Variants in GPR157 observed in about 807,000 individuals in gnomAD.
The protein encoded by GPR157 is G protein-coupled receptor 157.
In GPR157, 16 loss-of-function variants were observed where a neutral mutation model predicts 23.5. That is an observed-to-expected ratio of 0.68 (90% confidence interval 0.46 to 1.04). The LOEUF is 1.04. Among genes scored for constraint, GPR157 ranks in the 50% least tolerant of loss-of-function variants. GPR157 has a pLI of 0.00. For missense variants in GPR157, 440 were observed against 460.7 expected (o/e 0.96, Z 0.41); for synonymous variants, 200 against 221.5 (o/e 0.90, Z 0.86).
rs995562339 is a variant in GPR157 at position 9,128,322 on chromosome 1, G to A, written c.383+323C>T. ...GGGCAGCAGAGACAGCCAGGACACA[G>A]TGAAGCAGGTCACAAGGGGCTCAGA... On this transcript the variant is annotated intron_variant, in intron 1 of 3. Transcript: ENST00000377411. This position sits in a 1 kb window ranked among gnomAD's most constrained non-coding sequence, Gnocchi z 6.3. 8.4e-6 allele frequency: 5 copies of A among 598,688 alleles called. No homozygotes were observed. Among genetic ancestry groups the A allele is most frequent in the Admixed American group, 6.4e-5 (3 of 46,590 alleles). 37.1% of individuals were successfully genotyped at this position (598,688 alleles called of 1,614,324 possible).
intron 1 of GPR157, among the ~76,000 whole-genome samples, chr1:9,125,698 G>GGA (rs976884535): frequency 2.6e-5 from 4 of 152,258 alleles, no homozygotes; most frequent in Middle Eastern, 3.4e-3. Context: ...TTTCAGAAGG[G>GGA]GAGGGTAGAC....
At chr1:9,123,252 AT>A (rs1638848649) in intron 1 of GPR157, among the ~76,000 whole-genome samples, 1 of 27,130 alleles carries the variant, frequency 3.7e-5, no homozygotes, top group Non-Finnish European at 6.8e-5. Flanking sequence ...TAATTTAAAT[AT>A]ATATTTAAAT....
chr1:9,124,125 C>T (rs1638915928), intron 1 of GPR157, among the ~76,000 whole-genome samples: 1 of 151,956 alleles, frequency 6.6e-6, no homozygotes, highest in Admixed American at 6.6e-5. Context: ...CCACTGTGCC[C>T]AACCTAAAAA....
intron 1 of GPR157, among the ~76,000 whole-genome samples, chr1:9,116,699 G>C (rs1446167758): frequency 1.3e-5 from 2 of 149,610 alleles, no homozygotes; most frequent in Admixed American, 6.7e-5. Context: ...AGCCAAGATC[G>C]TGCCACTGCA....
intron 1 of GPR157, among the ~76,000 whole-genome samples, chr1:9,116,145 T>TTATATATATATATAATATAATTATATA: frequency 2.7e-5 from 1 of 36,700 alleles, no homozygotes; most frequent in African/African-American, 9.7e-5. Flanking sequence ...TATATATATA[T>TTATATATATATATAATATAATTATATA]TATATTATAT....
intron 1 of GPR157, among the ~76,000 whole-genome samples, chr1:9,124,444 G>C (rs892252353): frequency 2.0e-5 from 3 of 152,204 alleles, no homozygotes; most frequent in African/African-American, 7.2e-5. Flanking sequence ...CAGTCAGGGA[G>C]GTTTCACATC....
intron 1 of GPR157, among the ~76,000 whole-genome samples, chr1:9,123,337 TA>T (rs1187937432): frequency 4.0e-4 from 12 of 30,376 alleles, no homozygotes; most frequent in African/African-American, 1.2e-3. Flanking sequence ...ATATTTAATT[TA>T]AATATATATA....
In GPR157 at chr1:9,122,085, C is replaced by T. The variant is rs555661110; in HGVS notation, c.383+6560G>A. Among the ~76,000 whole-genome samples the T allele has an allele frequency of 5.3e-5, 8 of 152,288 alleles. No homozygotes were observed. The South Asian group carries it at 1.7e-3, about 32-fold the overall frequency. ...CCCTGGTCTGGCATCACGCTGGCGC[C>T]CACCACCGTGAGGGGAGGAAGGGCT... On this transcript the variant is annotated intron_variant, in intron 1 of 3. Transcript: ENST00000377411.
At chr1:9,108,987 G>A (rs982278621) in intron 2 of GPR157, among the ~76,000 whole-genome samples, 4 of 151,552 alleles carry the variant, frequency 2.6e-5, no homozygotes, top group Non-Finnish European at 5.9e-5. Flanking sequence ...GAGTTTCACC[G>A]TGTTGGTCTC....
intron 2 of GPR157, among the ~76,000 whole-genome samples, chr1:9,110,610 A>C (rs888779616): frequency 6.6e-6 from 1 of 152,202 alleles, no homozygotes; most frequent in South Asian, 2.1e-4. Context: ...GGCCTTTTGC[A>C]GGCGTTTGCT....
rs1638668793 is a variant in GPR157 at position 9,116,317 on chromosome 1, A to AATATAATT, written c.384-4829_384-4828insAATTATAT. 1.7e-3 allele frequency among the ~76,000 whole-genome samples: 37 copies of AATATAATT among 21,540 alleles called. 8 individuals carry two copies. The highest frequency in any genetic ancestry group is 3.4e-3 in the Admixed American group (3 of 888). The allele number at this position is 21,540 out of a possible 152,430, so 14.1% of individuals were successfully genotyped here. ...AAATTATATATATTATATTATATAT[A>AATATAATT]ATATATATAAATTATATATAATTTA... On this transcript the variant is annotated intron_variant, in intron 1 of 3. Coordinates refer to ENST00000377411, the MANE Select transcript of GPR157 (RefSeq NM_024980.5).
intron 1 of GPR157, among the ~76,000 whole-genome samples, chr1:9,123,787 T>G (rs1557701474): frequency 7.5e-6 from 1 of 133,038 alleles, no homozygotes; most frequent in Non-Finnish European, 1.5e-5. Flanking sequence ...TAAATATATA[T>G]TTAATATTAT....
At chr1:9,115,244 A>G (rs940903175) in intron 1 of GPR157, among the ~76,000 whole-genome samples, 3 of 152,224 alleles carry the variant, frequency 2.0e-5, no homozygotes, top group African/African-American at 7.2e-5. Flanking sequence ...ACACACACAC[A>G]CATATAAATG....
chr1:9,121,188 C>T (rs1324097467), intron 1 of GPR157, among the ~76,000 whole-genome samples: 2 of 148,344 alleles, frequency 1.3e-5, no homozygotes, highest in African/African-American at 2.5e-5. Context: ...CAAAATTAGC[C>T]GGGAGTGGTG....
At chr1:9,126,170 C>T (rs868445830) in intron 1 of GPR157, among the ~76,000 whole-genome samples, 1 of 152,150 alleles carries the variant, frequency 6.6e-6, no homozygotes, top group Non-Finnish European at 1.5e-5. Flanking sequence ...GTTGGCCAGG[C>T]TGGTCTCAAA....
chr1:9,123,251 TATATATTTAAATATATATATTTAA>T lies in GPR157; in HGVS notation c.383+5370_383+5393del, dbSNP rs1387840652. On this transcript the variant is annotated intron_variant, in intron 1 of 3. Transcript: ENST00000377411. ...ATATTTAAATATATATTAATTTAAA[TATATATTTAAATATATATATTTAA>T]ATATATATTTAAATTAATATATATT... Among the ~76,000 whole-genome samples, 3 of 27,912 alleles carry T rather than the reference TATATATTTAAATATATATATTTAA, an allele frequency of 1.1e-4. 1 individual carries two copies. Among genetic ancestry groups the T allele is most frequent in the Non-Finnish European group, 2.0e-4 (3 of 15,010 alleles). 18.3% of individuals were successfully genotyped at this position (27,912 alleles called of 152,430 possible). A position where few individuals can be genotyped will look rare whatever the true frequency, so the allele number is the denominator to read the frequency against.
chr1:9,116,513 C>A (rs1638683920), intron 1 of GPR157, among the ~76,000 whole-genome samples: 1 of 141,132 alleles, frequency 7.1e-6, no homozygotes, highest in African/African-American at 2.7e-5. Flanking sequence ...GAGGCCGAGG[C>A]GGGCGGATCA....
chr1:9,126,160 G>A (rs1292286582), intron 1 of GPR157, among the ~76,000 whole-genome samples: 1 of 152,078 alleles, frequency 6.6e-6, no homozygotes, highest in Non-Finnish European at 1.5e-5. Flanking sequence ...GTTTTGCCAT[G>A]TTGGCCAGGC....
In GPR157 at chr1:9,115,216, G is replaced by T. The variant is rs572851725; in HGVS notation, c.384-3727C>A. Among the ~76,000 whole-genome samples, 3 of 152,286 alleles carry T rather than the reference G, an allele frequency of 2.0e-5. No homozygotes were observed. In the South Asian group the frequency reaches 6.2e-4, roughly 32 times the overall value. ...CAGAAAAACATAGACGTGTGCATGT[G>T]TGCATGTATGCATGTTTACACACAC... On this transcript the variant is annotated intron_variant, in intron 1 of 3. Transcript: ENST00000377411.
Sources: gnomAD v4.1 joint callset for allele counts (sites outside exome capture counted in the v4.1 genomes callset) on GRCh38, gnomAD v4.1.1 for gene constraint, Gnocchi (gnomAD v3.1) non-coding constraint, MANE v1.5 for transcripts, NCBI Gene and HGNC (gene_info 2026-07-23, HGNC 2026-07-21) for gene names.